MRS2: variants seen among roughly 807,000 people sequenced by gnomAD.
MRS2 encodes the protein magnesium transporter MRS2.
Under a neutral mutation model 52.6 loss-of-function variants are expected in MRS2, and 40 were observed. The observed-to-expected ratio is 0.76, with a 90% confidence interval of 0.59 to 0.99. The LOEUF is 0.99. Among genes scored for constraint, MRS2 ranks in the 50% least tolerant of loss-of-function variants. The probability of loss-of-function intolerance (pLI) is 0.00; values close to 1 mark genes in which losing one functional copy is unlikely to be tolerated. For missense variants in MRS2, 472 were observed against 532.7 expected (o/e 0.89, Z 1.12); for synonymous variants, 193 against 195.9 (o/e 0.98, Z 0.13).
At chr6:24,413,115 G>A (rs926762048) in intron 5 of MRS2, among the ~76,000 whole-genome samples, 4 of 152,108 alleles carry the variant, frequency 2.6e-5, no homozygotes, top group Admixed American at 1.3e-4. Context: ...AGTAGTGGGA[G>A]CCCAGTTACC....
chr6:24,414,644 G>A (rs939906046), intron 5 of MRS2, among the ~76,000 whole-genome samples: 5 of 152,134 alleles, frequency 3.3e-5, no homozygotes, highest in African/African-American at 7.2e-5. Context: ...ATCGTGGCCC[G>A]TTCTCAATGA....
intron 6 of MRS2, among the ~76,000 whole-genome samples, chr6:24,415,821 T>C (rs1761829236): frequency 6.6e-6 from 1 of 152,218 alleles, no homozygotes; most frequent in African/African-American, 2.4e-5. Flanking sequence ...TACCAATTAA[T>C]TTAGATCTGG....
intron 3 of MRS2, among the ~76,000 whole-genome samples, 190 bp downstream of exon 3, chr6:24,408,634 G>C (rs1761552923): frequency 6.6e-6 from 1 of 152,198 alleles, no homozygotes. Flanking sequence ...TATTCTCCCA[G>C]AATTGTTTTC....
rs1762138079 is a variant in MRS2 at position 24,423,804 on chromosome 6, T to C, written c.*110T>C. Reference sequence around the variant, plus strand: ...TCAGACACTTGAAAAAAACTAATGTTTGAAGACAAAAATATTTTGGCAGTC... The same window carrying C: ...TCAGACACTTGAAAAAAACTAATGTCTGAAGACAAAAATATTTTGGCAGTC... On this transcript the variant is annotated 3_prime_UTR_variant, in exon 11 of 11. Coordinates refer to ENST00000378386, the MANE Select transcript of MRS2 (RefSeq NM_020662.4). 1 of 457,758 alleles carries C rather than the reference T, an allele frequency of 2.2e-6. No individual in the cohort carries two copies. Among genetic ancestry groups the C allele is most frequent in the Admixed American group, 3.8e-5 (1 of 26,216 alleles). The allele number at this position is 457,758 out of a possible 1,614,324, so 28.4% of individuals were successfully genotyped here.
At chr6:24,404,719 A>G (rs941513163) in intron 1 of MRS2, among the ~76,000 whole-genome samples, 6 of 152,264 alleles carry the variant, frequency 3.9e-5, no homozygotes, top group Non-Finnish European at 8.8e-5. Flanking sequence ...TTTATGAGCC[A>G]GTCAACTGGA....
intron 1 of MRS2, among the ~76,000 whole-genome samples, chr6:24,404,343 T>C (rs930435654): frequency 6.6e-6 from 1 of 152,232 alleles, no homozygotes; most frequent in African/African-American, 2.4e-5. Context: ...AGCAAATGCC[T>C]TTTACCTTTA....
At position 24,403,029 on chromosome 6, in the gene MRS2, G is replaced by C; in HGVS notation, c.-18G>C. 1 of 1,571,698 alleles carries C rather than the reference G, an allele frequency of 6.4e-7. No individual in the cohort carries two copies. On this transcript the variant is annotated 5_prime_UTR_variant, in exon 1 of 11. Transcript: ENST00000378386. Reference sequence around the variant, plus strand: ...AAGGTCTGGGGTCTGGCTGCTGCCTGCTTCTTGCTCCAGCACCATGGAATG... The same window carrying C: ...AAGGTCTGGGGTCTGGCTGCTGCCTCCTTCTTGCTCCAGCACCATGGAATG...
rs2127302307 is a variant in MRS2, at chr6:24,426,092, G to C, written c.*2398G>C. 6.6e-6 allele frequency: 1 copy of C among 152,272 alleles called. No homozygotes were observed. The highest frequency in any genetic ancestry group is 2.4e-5 in the African/African-American group (1 of 41,554). 9.4% of individuals were successfully genotyped at this position (152,272 alleles called of 1,614,324 possible). On this transcript the variant is annotated 3_prime_UTR_variant, in exon 11 of 11. Transcript: ENST00000378386. ...AAAACAATTCCTATCTTGAAGCCTT[G>C]AGAAAAGCTGTTACATATACGCAGA...
chr6:24,417,338 T>A (rs1299784053), intron 7 of MRS2, among the ~76,000 whole-genome samples: 3 of 152,232 alleles, frequency 2.0e-5, no homozygotes, highest in Non-Finnish European at 4.4e-5. Flanking sequence ...ACTGATATCA[T>A]TCAAAAACAT....
chr6:24,422,753 A>G (rs955086759), intron 9 of MRS2, among the ~76,000 whole-genome samples, 184 bp from the exon 10 acceptor site: 1 of 152,196 alleles, frequency 6.6e-6, no homozygotes, highest in African/African-American at 2.4e-5. Context: ...AACCTTTTAA[A>G]TCATGTTCTT....
chr6:24,421,864 T>C (rs991462574), intron 9 of MRS2, among the ~76,000 whole-genome samples: 1 of 152,168 alleles, frequency 6.6e-6, no homozygotes, highest in African/African-American at 2.4e-5. Flanking sequence ...ATATTGCATA[T>C]AGGACTGGGG....
rs1178323824 is a variant in MRS2, at chr6:24,425,557, C to G, written c.*1863C>G. On this transcript the variant is annotated 3_prime_UTR_variant, in exon 11 of 11. Transcript: ENST00000378386. Reference sequence around the variant, plus strand: ...AGGATGCTTCTTATACTAAAGTTCTCATAAATAATAAATCAGCTTATGCCA... The same window carrying G: ...AGGATGCTTCTTATACTAAAGTTCTGATAAATAATAAATCAGCTTATGCCA... 6.6e-6 allele frequency: 1 copy of G among 152,204 alleles called. No individual in the cohort carries two copies. The highest frequency in any genetic ancestry group is 1.9e-4 in the East Asian group (1 of 5,194). 9.4% of individuals were successfully genotyped at this position (152,204 alleles called of 1,614,324 possible).
At chr6:24,417,951 A>AAAAGAC (rs1761907278) in intron 7 of MRS2, 133 bp from the exon 8 acceptor site, 204 of 421,356 alleles carry the variant, frequency 4.8e-4, no homozygotes, top group Non-Finnish European at 6.1e-4. Context: ...AAAAAAAAAA[A>AAAAGAC]AAGACAAGAC....
intron 5 of MRS2, among the ~76,000 whole-genome samples, chr6:24,413,521 A>G (rs945618001): frequency 1.3e-5 from 2 of 152,154 alleles, no homozygotes; most frequent in African/African-American, 4.8e-5. Context: ...CAAATACCCT[A>G]TCTGTGACCC....
intron 9 of MRS2, among the ~76,000 whole-genome samples, chr6:24,421,066 T>G (rs1762027568): frequency 6.6e-6 from 1 of 152,196 alleles, no homozygotes; most frequent in African/African-American, 2.4e-5. Flanking sequence ...CCTTTACAGA[T>G]TCCCTAAGTG....
In MRS2 at chr6:24,423,070, C is replaced by T. The variant is rs764966035; in HGVS notation, c.1221+20C>T. On this transcript the variant is annotated intron_variant, in intron 10 of 10. Coordinates refer to ENST00000378386, the MANE Select transcript of MRS2 (RefSeq NM_020662.4). ...CCTATGGTATGAAGGATATGGTTCA[C>T]GGCGGTATTGTGGAAGGGTTATGAT... The T allele has an allele frequency of 6.3e-6, 10 of 1,588,696 alleles. No homozygotes were observed. The highest frequency in any genetic ancestry group is 5.1e-5 in the Admixed American group (3 of 59,126).
At position 24,423,619 on chromosome 6, in the gene MRS2, T is replaced by C. The variant is rs1184710831; in HGVS notation, c.1257T>C (p.Asp419=). ...ASLPKKTLLA[D]RSMELKNSLR... ...TACCTAAAAAGACTCTTCTGGCAGATAGAAGCATGGAATTGAAAAATAGCC... is the reference window on the plus strand; with the variant it reads ...TACCTAAAAAGACTCTTCTGGCAGACAGAAGCATGGAATTGAAAAATAGCC... Residue 419 remains aspartate, a synonymous_variant, in exon 11 of 11, where the codon GAT becomes GAC. Coordinates refer to ENST00000378386, the MANE Select transcript of MRS2 (RefSeq NM_020662.4). 4 of 1,611,322 alleles carry C rather than the reference T, an allele frequency of 2.5e-6. No homozygotes were observed. The highest frequency in any genetic ancestry group is 1.7e-4 in the Middle Eastern group (1 of 6,054).
chr6:24,411,525 CTTTA>C (rs1157969446), intron 4 of MRS2, among the ~76,000 whole-genome samples: 57 of 145,522 alleles, frequency 3.9e-4, no homozygotes, highest in Admixed American at 2.8e-3. Context: ...ATCTTGTTCC[CTTTA>C]TTTATTTATT....
chr6:24,415,006 C>A, intron 5 of MRS2, 27 bp from the exon 6 acceptor site: 1 of 1,549,282 alleles, frequency 6.5e-7, no homozygotes, highest in South Asian at 1.2e-5. Context: ...TGTTTTAATT[C>A]TTATGAAAGG....
Sources: allele counts gnomAD v4.1 joint callset (sites outside exome capture counted in the v4.1 genomes callset), GRCh38; gene constraint gnomAD v4.1.1; transcripts MANE v1.5; gene names NCBI Gene and HGNC (gene_info 2026-07-23, HGNC 2026-07-21).